The following TTN variants were observed in gnomAD, a reference collection of about 807,000 sequenced individuals.
The protein encoded by TTN is connectin.
Under a neutral mutation model 3,223.0 loss-of-function variants are expected in TTN, and 1,525 were observed. That is an observed-to-expected ratio of 0.47 (90% CI 0.45 to 0.49). The LOEUF is 0.49. Among genes scored for constraint, TTN ranks in the 20% least tolerant of loss-of-function variants. The pLI is 0.00. For synonymous variants in TTN, 14,094 were observed against 15,161.0 expected, an observed-to-expected ratio of 0.93 and a Z score of 5.17; for missense variants, 40,786 against 43,424.0, an observed-to-expected ratio of 0.94 and a Z score of 5.40.
Position 178,609,206 on chromosome 2 carries a change from A to G in TTN, c.52102+2T>C. 1 of 1,501,866 alleles carries G rather than the reference A, an allele frequency of 6.7e-7. No homozygotes were observed. The highest frequency in any genetic ancestry group is 8.8e-7 in the Non-Finnish European group (1 of 1,131,146). The allele number at this position is 1,501,866 out of a possible 1,614,324, so 93.0% of individuals were successfully genotyped here. ...TTGGAAAGTGTAGTTTTAATGACTCACCTAACACACTGACAGTACAAGGAG... is the reference window on the plus strand; with the variant it reads ...TTGGAAAGTGTAGTTTTAATGACTCGCCTAACACACTGACAGTACAAGGAG... On this transcript the variant is annotated splice_donor_variant, in intron 273 of 362. Coordinates refer to ENST00000589042, the MANE Select transcript of TTN (RefSeq NM_001267550.2). LOFTEE classifies it high-confidence loss of function.
chr2:178,617,749 G>T (rs1158712341), intron 253 of TTN, 30 bp downstream of exon 253: 1 of 1,608,584 alleles, frequency 6.2e-7, no homozygotes, highest in Admixed American at 1.7e-5. Flanking sequence ...ATTTCATGCA[G>T]TAATTATTTC....
rs2057034942 is a variant in TTN, at chr2:178,614,949, C to T, written c.48658G>A (p.Glu16220Lys). 1 of 1,597,538 alleles carries T rather than the reference C, an allele frequency of 6.3e-7. No homozygotes were observed. The highest frequency in any genetic ancestry group is 8.5e-7 in the Non-Finnish European group (1 of 1,171,338). Residue 16220 changes from glutamate (E) to lysine (K), a missense_variant, in exon 260 of 363, where the codon GAG (glutamate) becomes AAG (lysine). Physicochemically the swap from Glu to Lys is moderately conservative, Grantham distance 56. Coordinates refer to ENST00000589042, the MANE Select transcript of TTN (RefSeq NM_001267550.2). ...CGGTAGGCATACCATTTGCCTTCCT[C>T]AAGACCTGTCACTTCCATTCTGTCA... ...AETKMEVTGLEEGKWYAYRVK... is the reference protein window; with the variant it reads ...AETKMEVTGLKEGKWYAYRVK...
At position 178,570,855 on chromosome 2, in the gene TTN, G is replaced by A. The variant is rs748359400; in HGVS notation, c.75277C>T (p.Pro25093Ser). 1.2e-5 allele frequency: 19 copies of A among 1,613,496 alleles called. No individual in the cohort carries two copies. The highest frequency in any genetic ancestry group is 1.5e-5 in the Non-Finnish European group (18 of 1,179,632). Residue 25093 changes from proline (P) to serine (S), a missense_variant, in exon 326 of 363, where the codon CCT (proline) becomes TCT (serine). By Grantham distance (74) the Pro-to-Ser change is moderately conservative. Transcript: ENST00000589042. ...GTTATTGCTCCTGTGCTTTCTGAAG[G>A]CTCACTAAACACTCCTGCGGCATTT... ...ARNAAGVFSE[P>S]SESTGAITAR...
Position 178,583,921 on chromosome 2 carries a change from G to T in TTN, c.65276-15C>A. 1 of 1,524,862 alleles carries T rather than the reference G, an allele frequency of 6.6e-7. No individual in the cohort carries two copies. 94.5% of individuals were successfully genotyped at this position (1,524,862 alleles called of 1,614,324 possible). Reference sequence around the variant, plus strand: ...CCCAGGAGGATCTAAAACAAAAAGAGGTACACTCACCATTTATCTTACCAG... The same window carrying T: ...CCCAGGAGGATCTAAAACAAAAAGATGTACACTCACCATTTATCTTACCAG... On this transcript the variant is annotated splice_polypyrimidine_tract_variant and intron_variant, in intron 311 of 362. Transcript: ENST00000589042.
chr2:178,653,345 C>T (rs1323317746), intron 197 of TTN, 24 bp from the exon 198 acceptor site: 1 of 1,611,026 alleles, frequency 6.2e-7, no homozygotes, highest in South Asian at 1.1e-5. Flanking sequence ...AGTAAAGTTA[C>T]ATGTAGAGCT....
chr2:178,685,064 A>G, intron 129 of TTN, 75 bp from the exon 130 acceptor site: 3 of 1,314,058 alleles, frequency 2.3e-6, no homozygotes, highest in Non-Finnish European at 3.2e-6. Flanking sequence ...CTTAGCATTC[A>G]CTTTTTGAAA....
rs779996703 is a variant in TTN at position 178,567,141 on chromosome 2, G to T, written c.78991C>A (p.Arg26331=). ...GAAGCAACAACAGTCCAGGCAAGTC[G>T]ACTGGTTTCTCGCTTTTCAACAACA... ...HYVVEKRETS[R]LAWTVVASEV... Residue 26331 remains arginine (R), a synonymous_variant, in exon 326 of 363, where the codon CGA becomes AGA. Coordinates refer to ENST00000589042, the MANE Select transcript of TTN (RefSeq NM_001267550.2). 2.0e-5 allele frequency: 33 copies of T among 1,613,366 alleles called. No homozygotes were observed. The East Asian group carries it at 5.8e-4, about 28-fold the overall frequency.
At position 178,651,868 on chromosome 2, in the gene TTN, C is replaced by T; in HGVS notation, c.39379+16G>A. 6.2e-7 allele frequency: 1 copy of T among 1,602,566 alleles called. No individual in the cohort carries two copies. The highest frequency in any genetic ancestry group is 8.5e-7 in the Non-Finnish European group (1 of 1,175,046). On this transcript the variant is annotated intron_variant, in intron 205 of 362. Transcript: ENST00000589042. Reference sequence around the variant, plus strand: ...AAGAGTGGCCGAGGTGTCCTAGCAGCTTTCTTGCCATGTACCTTGTGGAGG... The same window carrying T: ...AAGAGTGGCCGAGGTGTCCTAGCAGTTTTCTTGCCATGTACCTTGTGGAGG...
intron 21 of TTN, 99 bp from the exon 22 acceptor site, chr2:178,780,304 A>G (rs1270173107): frequency 2.8e-6 from 3 of 1,072,954 alleles, no homozygotes; most frequent in Non-Finnish European, 4.2e-6. Flanking sequence ...AAAGTTGATA[A>G]CCAAAAACCA....
Position 178,536,474 on chromosome 2 carries a change from T to TA in TTN, c.100272dup (p.Arg33425Ter). The TA allele has an allele frequency of 6.3e-7, 1 of 1,593,300 alleles. No individual in the cohort carries two copies. The highest frequency in any genetic ancestry group is 8.6e-7 in the Non-Finnish European group (1 of 1,169,062). Reference sequence around the variant, plus strand: ...TCACGCTTCTCAAGGTAGTAATTTCTAATCTTTGCACCTCCATCACTGGCA... The same window carrying TA: ...TCACGCTTCTCAAGGTAGTAATTTCTAAATCTTTGCACCTCCATCACTGGCA... On this transcript the variant is annotated frameshift_variant, in exon 357 of 363. Transcript: ENST00000589042. LOFTEE classifies it high-confidence loss of function.
Position 178,538,971 on chromosome 2 carries a change from T to A in TTN, c.98964A>T (p.Glu32988Asp), listed in dbSNP as rs1358375083. Residue 32988 changes from glutamate to aspartate, a missense_variant, in exon 353 of 363, where the codon GAA (glutamate) becomes GAT (aspartate). Coordinates refer to ENST00000589042, the MANE Select transcript of TTN (RefSeq NM_001267550.2). ...VGLSETSPASEPVVCKDPFDK... is the reference protein window; with the variant it reads ...VGLSETSPASDPVVCKDPFDK... Reference sequence around the variant, plus strand: ...CAAATGGATCTTTGCAAACAACTGGTTCAGAAGCAGGGCTGGTCTCACTCA... The same window carrying A: ...CAAATGGATCTTTGCAAACAACTGGATCAGAAGCAGGGCTGGTCTCACTCA... 1 of 1,610,050 alleles carries A rather than the reference T, an allele frequency of 6.2e-7. No individual in the cohort carries two copies. The highest frequency in any genetic ancestry group is 1.3e-5 in the African/African-American group (1 of 74,842).
At chr2:178,637,160 T>TAA (rs1159858574) in intron 224 of TTN, among the ~76,000 whole-genome samples, 1 of 108,248 alleles carries the variant, frequency 9.2e-6, no homozygotes, top group East Asian at 3.4e-4. Context: ...TATATATATA[T>TAA]ATATATATAT....
At chr2:178,539,299 G>A (rs899971482) in intron 352 of TTN, 48 bp from the exon 353 acceptor site, 23 of 1,599,946 alleles carry the variant, frequency 1.4e-5, no homozygotes, top group Non-Finnish European at 2.0e-5. Flanking sequence ...ACAGTCCCAA[G>A]TATTATAAGC....
Position 178,558,512 on chromosome 2 carries a change from C to G in TTN, c.86947G>C (p.Glu28983Gln). 6.8e-6 allele frequency: 11 copies of G among 1,613,820 alleles called. No homozygotes were observed. Among genetic ancestry groups the G allele is most frequent in the Non-Finnish European group, 9.3e-6 (11 of 1,179,804 alleles). Residue 28983 changes from glutamate to glutamine, a missense_variant, in exon 327 of 363, where the codon GAA (glutamate) becomes CAA (glutamine). Physicochemically the swap from Glu to Gln is conservative, Grantham distance 29. Coordinates refer to ENST00000589042, the MANE Select transcript of TTN (RefSeq NM_001267550.2). ...RIVHYVVEAL[E>Q]KGQKNWVKCA... ...TTAACCCAGTTTTTCTGTCCTTTTTCTAGTGCTTCAACGACATAGTGTACA... is the reference window on the plus strand; with the variant it reads ...TTAACCCAGTTTTTCTGTCCTTTTTGTAGTGCTTCAACGACATAGTGTACA...
At position 178,704,495 on chromosome 2, in the gene TTN, C is replaced by A; in HGVS notation, c.29962+15G>T. The A allele has an allele frequency of 6.3e-7, 1 of 1,599,850 alleles. No homozygotes were observed. Among genetic ancestry groups the A allele is most frequent in the Non-Finnish European group, 8.5e-7 (1 of 1,172,528 alleles). ...TTAAATCTCACAAGTATTTCATAAG[C>A]CTTTTCTAACTTACCAATTACAGTT... On this transcript the variant is annotated intron_variant, in intron 105 of 362. Transcript: ENST00000589042.
rs758005559 is a variant in TTN at position 178,639,744 on chromosome 2, G to C, written c.40831C>G (p.Pro13611Ala). Residue 13611 changes from proline (P) to alanine (A), a missense_variant, in exon 223 of 363, where the codon CCC becomes GCC. By Grantham distance (27) the Pro-to-Ala change is conservative. Transcript: ENST00000589042. ...KPPPVEPEPTPIAAPVTVPVV... is the reference protein window; with the variant it reads ...KPPPVEPEPTAIAAPVTVPVV... ...GGCACTGTTACTGGGGCAGCGATGG[G>C]GGTTGGTTCAGGTTCCACAGGAGGT... The C allele has an allele frequency of 7.5e-6, 12 of 1,610,084 alleles. No individual in the cohort carries two copies. Among genetic ancestry groups the C allele is most frequent in the Middle Eastern group, 1.7e-4 (1 of 6,048 alleles).
Position 178,707,507 on chromosome 2 carries a change from AC to A in TTN, c.29041+18del, listed in dbSNP as rs747899220. On this transcript the variant is annotated intron_variant, in intron 100 of 362. Transcript: ENST00000589042. ...TGGTTGCTGGCTTGAGCTGCATAAT[AC>A]TTTTGAGGTGTCTGTACCTTTAATG... 135 of 1,599,552 alleles carry A rather than the reference AC, an allele frequency of 8.4e-5. 1 individual carries two copies. In the Middle Eastern group the frequency reaches 1.0e-3, roughly 12 times the overall value.
At chr2:178,727,547 C>A (rs773568610) in intron 68 of TTN, 38 bp downstream of exon 68, 3 of 1,528,250 alleles carry the variant, frequency 2.0e-6, no homozygotes, top group Admixed American at 4.3e-5. Flanking sequence ...ACCAAAGACA[C>A]AGTCAGACAG....
At position 178,610,074 on chromosome 2, in the gene TTN, C is replaced by T. The variant is rs1015624037; in HGVS notation, c.51436+16G>A. 2 of 1,612,544 alleles carry T rather than the reference C, an allele frequency of 1.2e-6. No individual in the cohort carries two copies. Among genetic ancestry groups the T allele is most frequent in the Non-Finnish European group, 1.7e-6 (2 of 1,179,222 alleles). On this transcript the variant is annotated intron_variant, in intron 271 of 362. Transcript: ENST00000589042. ...TTATTAGTTCTTAGCCATAGTGCAT[C>T]CATGTCCAAACTTACGCTTTGGATC... is the stretch of plus-strand genomic sequence containing the variant.
Sources: gnomAD v4.1 joint callset for allele counts (sites outside exome capture counted in the v4.1 genomes callset) on GRCh38, gnomAD v4.1.1 for gene constraint, MANE v1.5 for transcripts, NCBI Gene and HGNC (gene_info 2026-07-23, HGNC 2026-07-21) for gene names.